Variants in TRPC7 observed in about 807,000 individuals in gnomAD.
TRPC7 encodes the protein short transient receptor potential channel 7.
A neutral mutation model predicts 90.1 loss-of-function variants in TRPC7; 42 were observed. That is an observed-to-expected ratio of 0.47 (90% confidence interval 0.36 to 0.60). TRPC7 has a LOEUF of 0.60. TRPC7 is among the 20% of genes least tolerant of loss of function. The pLI is 0.00. For missense variants in TRPC7, 955 were observed against 1,112.3 expected, an observed-to-expected ratio of 0.86 and a Z score of 2.01; for synonymous variants, 451 against 436.3, an observed-to-expected ratio of 1.03 and a Z score of -0.42.
chr5:136,362,350 A>G (rs1277822141), intron 1 of TRPC7, among the ~76,000 whole-genome samples: 2 of 152,174 alleles, frequency 1.3e-5, no homozygotes, highest in Non-Finnish European at 2.9e-5. Context: ...CAAATAAGAT[A>G]TAAAGAGAAA....
chr5:136,244,101 C>A (rs1246286034), intron 7 of TRPC7, among the ~76,000 whole-genome samples: 1 of 152,086 alleles, frequency 6.6e-6, no homozygotes, highest in Non-Finnish European at 1.5e-5. Flanking sequence ...GTCAGCCCTA[C>A]TCTAAAGTCA....
At chr5:136,261,713 G>T (rs888386949) in intron 5 of TRPC7, among the ~76,000 whole-genome samples, 2 of 152,178 alleles carry the variant, frequency 1.3e-5, no homozygotes, top group African/African-American at 4.8e-5. Context: ...GTTGTGCTCT[G>T]GGGCTTGGTC....
intron 3 of TRPC7, among the ~76,000 whole-genome samples, chr5:136,280,883 ATC>A (rs1159603811): frequency 6.6e-6 from 1 of 152,052 alleles, no homozygotes; most frequent in East Asian, 1.9e-4. Flanking sequence ...GGGTTGGTAA[ATC>A]TCTGTTTTAA....
intron 3 of TRPC7, among the ~76,000 whole-genome samples, chr5:136,314,667 A>G (rs1758953154): frequency 6.6e-6 from 1 of 152,220 alleles, no homozygotes; most frequent in African/African-American, 2.4e-5. Flanking sequence ...ACAAATTAAG[A>G]CACACACAAA....
At chr5:136,322,226 G>A (rs774058353) in intron 2 of TRPC7, among the ~76,000 whole-genome samples, 23 of 152,084 alleles carry the variant, frequency 1.5e-4, no homozygotes, top group Non-Finnish European at 2.5e-4. Flanking sequence ...TGTTGGTCAG[G>A]CTGGTCTTGA....
Position 136,214,973 on chromosome 5 carries a change from T to C in TRPC7, c.2419+1227A>G, listed in dbSNP as rs138039976. On this transcript the variant is annotated intron_variant, in intron 11 of 11. Transcript: ENST00000513104. ...AAAACAACCCAAACAGTGAAAATAATATAGTTGGTAAACTTCAGTGTATAT... is the reference window on the plus strand; with the variant it reads ...AAAACAACCCAAACAGTGAAAATAACATAGTTGGTAAACTTCAGTGTATAT... 3.2e-4 allele frequency among the ~76,000 whole-genome samples: 49 copies of C among 152,224 alleles called. No individual in the cohort carries two copies. The East Asian group carries it at 6.4e-3, about 20-fold the overall frequency.
intron 5 of TRPC7, among the ~76,000 whole-genome samples, chr5:136,261,828 G>C (rs1244389950): frequency 6.6e-6 from 1 of 152,114 alleles, no homozygotes; most frequent in Non-Finnish European, 1.5e-5. Flanking sequence ...TGAACTTCAG[G>C]CATGTATATT....
At chr5:136,294,230 G>T (rs1291341126) in intron 3 of TRPC7, among the ~76,000 whole-genome samples, 1 of 152,150 alleles carries the variant, frequency 6.6e-6, no homozygotes, top group African/African-American at 2.4e-5. Context: ...CATAGGCATG[G>T]GCAAGGACTT....
At position 136,348,432 on chromosome 5, in the gene TRPC7, T is replaced by C. The variant is rs114865052; in HGVS notation, c.780+8176A>G. On this transcript the variant is annotated intron_variant, in intron 2 of 11. Transcript: ENST00000513104. ...TGTCCATTTATCTCTTTTATTCCAT[T>C]GGGTTTCATTTTAGACATTGCTGTA... is the stretch of plus-strand genomic sequence containing the variant. 2.0e-3 allele frequency among the ~76,000 whole-genome samples: 300 copies of C among 152,360 alleles called. 1 individual carries two copies. Among genetic ancestry groups the C allele is most frequent in the African/African-American group, 6.5e-3 (271 of 41,600 alleles).
At chr5:136,347,210 T>C (rs574084606) in intron 2 of TRPC7, among the ~76,000 whole-genome samples, 1 of 152,292 alleles carries the variant, frequency 6.6e-6, no homozygotes, top group South Asian at 2.1e-4. Flanking sequence ...TCTGTGGTTT[T>C]AAGTCACCAC....
At chr5:136,262,175 C>T (rs1266831241) in intron 5 of TRPC7, among the ~76,000 whole-genome samples, 2 of 152,206 alleles carry the variant, frequency 1.3e-5, no homozygotes, top group Non-Finnish European at 2.9e-5. Flanking sequence ...GCTCGTATCC[C>T]ACAATCATCT....
chr5:136,274,003 A>G lies in TRPC7; in HGVS notation c.1128+670T>C, dbSNP rs533594373. 2.4e-3 allele frequency among the ~76,000 whole-genome samples: 368 copies of G among 152,218 alleles called. 5 individuals are homozygous for G. Among genetic ancestry groups the G allele is most frequent in the African/African-American group, 8.6e-3 (357 of 41,540 alleles). On this transcript the variant is annotated intron_variant, in intron 4 of 11. Transcript: ENST00000513104. ...TCCTTCCATCACTGGTGGGCACTGG[A>G]CACTCCCCCTCAGGGAAATAACACT...
intron 3 of TRPC7, among the ~76,000 whole-genome samples, chr5:136,292,571 A>T (rs1270581189): frequency 6.6e-6 from 1 of 150,606 alleles, no homozygotes; most frequent in Non-Finnish European, 1.5e-5. Flanking sequence ...CTTGACACAT[A>T]CACCCTCCCA....
chr5:136,279,099 T>G (rs1227890282), intron 3 of TRPC7, among the ~76,000 whole-genome samples: 1 of 152,046 alleles, frequency 6.6e-6, no homozygotes, highest in South Asian at 2.1e-4. Context: ...TTACGTTAGG[T>G]CTCTTGTGCC....
chr5:136,216,352 C>T, intron 10 of TRPC7, 77 bp from the exon 11 acceptor site: 1 of 1,171,174 alleles, frequency 8.5e-7, no homozygotes, highest in Non-Finnish European at 1.3e-6. Context: ...AGCAGGACCC[C>T]TCCCTCCCTT....
At chr5:136,322,527 A>C (rs1401704722) in intron 2 of TRPC7, among the ~76,000 whole-genome samples, 1 of 151,984 alleles carries the variant, frequency 6.6e-6, no homozygotes, top group Non-Finnish European at 1.5e-5. Context: ...TGGTATTGTT[A>C]ATTTATTGCC....
chr5:136,356,221 T>C (rs1760368224), intron 2 of TRPC7, among the ~76,000 whole-genome samples: 1 of 152,170 alleles, frequency 6.6e-6, no homozygotes, highest in African/African-American at 2.4e-5. Flanking sequence ...GGTGAAATAA[T>C]CAAGAAGTCT....
At chr5:136,364,062 C>T (rs1179164925) in intron 1 of TRPC7, among the ~76,000 whole-genome samples, 2 of 152,174 alleles carry the variant, frequency 1.3e-5, no homozygotes, top group Admixed American at 6.5e-5. Context: ...AAGAGAGGCC[C>T]TTATATTATG....
intron 4 of TRPC7, among the ~76,000 whole-genome samples, chr5:136,268,463 A>G (rs986320878): frequency 2.9e-4 from 44 of 152,320 alleles, no homozygotes; most frequent in African/African-American, 1.0e-3. Context: ...CCCATCCTTT[A>G]TCTGTGGTCT....
Sources: allele counts gnomAD v4.1 joint callset (sites outside exome capture counted in the v4.1 genomes callset), GRCh38; gene constraint gnomAD v4.1.1; transcripts MANE v1.5; gene names NCBI Gene and HGNC (gene_info 2026-07-23, HGNC 2026-07-21).